Variants in DNAH14 observed in about 807,000 individuals in gnomAD.
DNAH14 encodes axonemal beta dynein heavy chain 14.
DNAH14 carries 478 observed loss-of-function variants against 520.9 expected under a neutral mutation model. The observed-to-expected ratio is 0.92, with a 90% CI of 0.85 to 0.99. The LOEUF (loss-of-function observed/expected upper bound fraction) is 0.99, where lower values mean the gene tolerates loss of function less well. Among genes scored for constraint, DNAH14 ranks in the 50% least tolerant of loss-of-function variants. The pLI, the probability that DNAH14 is intolerant of heterozygous loss-of-function variation, is 0.00. For synonymous variants in DNAH14, 1,581 were observed against 1,757.2 expected (o/e 0.90, Z 2.51); for missense variants, 4,831 against 5,234.5 (o/e 0.92, Z 2.38).
At chr1:225,015,977 A>T (rs1164120281) in intron 10 of DNAH14, among the ~76,000 whole-genome samples, 1 of 152,156 alleles carries the variant, frequency 6.6e-6, no homozygotes, top group Non-Finnish European at 1.5e-5. Context: ...GCAGTCTGGG[A>T]CTGTAGCTCT....
intron 28 of DNAH14, among the ~76,000 whole-genome samples, chr1:225,141,870 GAA>G (rs1027428781): frequency 3.3e-5 from 5 of 152,156 alleles, no homozygotes; most frequent in Non-Finnish European, 7.3e-5. Context: ...CCTTTAGTGA[GAA>G]GAGATTGAGT....
intron 1 of DNAH14, among the ~76,000 whole-genome samples, chr1:224,944,565 TTGA>T (rs200053812): frequency 0.012 from 1,843 of 152,346 alleles, 16 homozygotes; most frequent in Non-Finnish European, 0.018. Context: ...TGCTCGTTAG[TTGA>T]TGAAGTTTCT....
At chr1:224,972,013 A>G (rs1416758133) in intron 7 of DNAH14, among the ~76,000 whole-genome samples, 3 of 152,198 alleles carry the variant, frequency 2.0e-5, no homozygotes, top group African/African-American at 4.8e-5. Context: ...AAACTCTGTC[A>G]GTGTCAGACT....
chr1:225,216,812 G>C (rs752352048), intron 41 of DNAH14, among the ~76,000 whole-genome samples: 2 of 152,002 alleles, frequency 1.3e-5, no homozygotes, highest in Non-Finnish European at 2.9e-5. Context: ...TTTTTTCAAG[G>C]TTTTTAGCTT....
intron 8 of DNAH14, among the ~76,000 whole-genome samples, chr1:225,000,628 G>A (rs368518222): frequency 2.5e-4 from 38 of 150,544 alleles, no homozygotes; most frequent in African/African-American, 8.6e-4. Context: ...GCTGGATGGA[G>A]TGCAGTGGCA....
intron 17 of DNAH14, among the ~76,000 whole-genome samples, chr1:225,065,249 A>G (rs889223772): frequency 6.6e-6 from 1 of 151,820 alleles, no homozygotes; most frequent in East Asian, 1.9e-4. Context: ...ATATTGTTGT[A>G]TATATTTATA....
chr1:225,368,248 C>T (rs556118954), intron 77 of DNAH14, among the ~76,000 whole-genome samples: 35 of 152,244 alleles, frequency 2.3e-4, no homozygotes, highest in African/African-American at 5.3e-4. Context: ...TGTATAAGTA[C>T]GTAATCTATT....
chr1:225,033,323 A>G (rs1027612507), intron 11 of DNAH14, among the ~76,000 whole-genome samples: 16 of 152,162 alleles, frequency 1.1e-4, no homozygotes, highest in African/African-American at 3.6e-4. Context: ...AGCACCATTT[A>G]TTGAATGGGG....
chr1:224,932,595 A>G (rs1445813715), intron 1 of DNAH14, among the ~76,000 whole-genome samples: 1 of 151,852 alleles, frequency 6.6e-6, no homozygotes, highest in Non-Finnish European at 1.5e-5. Context: ...CCATTTTGAG[A>G]TGATTTTTGT....
intron 8 of DNAH14, among the ~76,000 whole-genome samples, chr1:224,994,050 A>G (rs920290786): frequency 6.6e-6 from 1 of 152,074 alleles, no homozygotes; most frequent in Admixed American, 6.6e-5. Flanking sequence ...AAAATAATTG[A>G]TACTGTTTCA....
intron 67 of DNAH14, 130 bp from the exon 68 acceptor site, chr1:225,337,931 T>C: frequency 1.2e-6 from 1 of 846,628 alleles, no homozygotes; most frequent in Non-Finnish European, 1.8e-6. Context: ...AGTCACCCTG[T>C]TGTACTATGA....
intron 8 of DNAH14, among the ~76,000 whole-genome samples, chr1:225,002,211 C>A (rs1186490744): frequency 6.6e-6 from 1 of 152,124 alleles, no homozygotes; most frequent in East Asian, 1.9e-4. Context: ...CTCTTCTACT[C>A]TGCCCTTTTC....
intron 58 of DNAH14, among the ~76,000 whole-genome samples, chr1:225,306,426 G>A (rs751974472): frequency 3.3e-5 from 5 of 152,260 alleles, no homozygotes; most frequent in Middle Eastern, 3.4e-3. Context: ...TGAGATTTTT[G>A]TTGGTCAGCA....
At chr1:224,988,215 T>C (rs2062785058) in intron 8 of DNAH14, among the ~76,000 whole-genome samples, 1 of 152,212 alleles carries the variant, frequency 6.6e-6, no homozygotes, top group Non-Finnish European at 1.5e-5. Context: ...TCCATGTCCC[T>C]GCAAAAGATA....
chr1:225,097,875 A>G (rs1353136882), intron 22 of DNAH14, among the ~76,000 whole-genome samples: 5 of 152,218 alleles, frequency 3.3e-5, no homozygotes, highest in Non-Finnish European at 7.3e-5. Flanking sequence ...TGAATAATAA[A>G]CATGTTTTTA....
chr1:225,178,078 T>C (rs542727580), intron 36 of DNAH14, among the ~76,000 whole-genome samples: 1 of 152,324 alleles, frequency 6.6e-6, no homozygotes, highest in Admixed American at 6.5e-5. Flanking sequence ...CAGCGTGATC[T>C]GGATGTGAGA....
chr1:225,066,801 A>G (rs1409067670), intron 17 of DNAH14, among the ~76,000 whole-genome samples: 1 of 152,078 alleles, frequency 6.6e-6, no homozygotes, highest in Non-Finnish European at 1.5e-5. Context: ...CTCCAGTTCC[A>G]TCCAAGTTTC....
Position 225,152,037 on chromosome 1 carries a change from A to T in DNAH14, c.4973A>T (p.Asn1658Ile), listed in dbSNP as rs746460952. 2.6e-6 allele frequency: 4 copies of T among 1,551,630 alleles called. No individual in the cohort carries two copies. In the East Asian group the frequency reaches 7.3e-5, roughly 28 times the overall value. Residue 1658 changes from asparagine to isoleucine, a missense_variant, in exon 32 of 86, where the codon AAT (asparagine) becomes ATT (isoleucine). Asn to Ile is a moderately radical substitution (Grantham distance 149). Coordinates refer to ENST00000682510, the MANE Select transcript of DNAH14 (RefSeq NM_001367479.1). ...CTGGAAGGAAAAGAAATTCGTATCA[A>T]TATGTCTTGTGCGGTATTTATCACC... ...FVLEGKEIRINMSCAVFITMN... is the reference protein window; with the variant it reads ...FVLEGKEIRIIMSCAVFITMN...
At chr1:224,992,713 T>C (rs2063140958) in intron 8 of DNAH14, among the ~76,000 whole-genome samples, 1 of 152,156 alleles carries the variant, frequency 6.6e-6, no homozygotes, top group Non-Finnish European at 1.5e-5. Context: ...TTTCCTTAAC[T>C]GCTCAGACAA....
Sources: gnomAD v4.1 joint callset for allele counts (sites outside exome capture counted in the v4.1 genomes callset) on GRCh38, gnomAD v4.1.1 for gene constraint, MANE v1.5 for transcripts, NCBI Gene and HGNC (gene_info 2026-07-23, HGNC 2026-07-21) for gene names.